Variants in SLC22A12 observed in about 807,000 individuals in gnomAD.
SLC22A12 encodes organic anion transporter 4-like protein.
Under a neutral mutation model 52.7 loss-of-function variants are expected in SLC22A12, and 56 were observed. That is an observed-to-expected ratio of 1.06 (90% CI 0.86 to 1.33). The LOEUF (loss-of-function observed/expected upper bound fraction) is 1.33. SLC22A12 is among the 40% of genes most tolerant of loss of function. SLC22A12 has a pLI of 0.00. For synonymous variants in SLC22A12, 337 were observed against 324.6 expected (o/e 1.04, Z -0.41); for missense variants, 683 against 741.5 (o/e 0.92, Z 0.92).
chr11:64,591,369 G>T lies in SLC22A12; in HGVS notation c.-188G>T. ...CAGGGCCCAGTTGGAGCCACCCCAAGTGACACCAGCAGGCAGATGACCAGA... is the reference window on the plus strand; with the variant it reads ...CAGGGCCCAGTTGGAGCCACCCCAATTGACACCAGCAGGCAGATGACCAGA... On this transcript the variant is annotated 5_prime_UTR_variant, in exon 1 of 10. Coordinates refer to ENST00000377574, the MANE Select transcript of SLC22A12 (RefSeq NM_144585.4). 1.3e-6 allele frequency: 1 copy of T among 747,102 alleles called. No individual in the cohort carries two copies. The allele number at this position is 747,102 out of a possible 1,614,324, so 46.3% of individuals were successfully genotyped here.
In SLC22A12 at chr11:64,600,381, C is replaced by T. The variant is rs145200251; in HGVS notation, c.1300C>T (p.Arg434Cys). ...TCTACCCACAGAAATGGGGGCTCTG[C>T]GCTCAGCCTTGGCCGTGCTGGGGCT... ...TLVPHEMGAL[R>C]SALAVLGLGG... The change falls in exon 8 of 10, where the codon CGC (arginine) becomes TGC (cysteine). Residue 434 changes from arginine (R) to cysteine (C), a missense_variant. Transcript: ENST00000377574. 1.5e-4 allele frequency: 239 copies of T among 1,605,230 alleles called. 1 individual carries two copies. Among genetic ancestry groups the T allele is most frequent in the Middle Eastern group, 1.5e-3 (9 of 6,054 alleles).
intron 4 of SLC22A12, among the ~76,000 whole-genome samples, chr11:64,595,820 G>GACGGTTGA (rs2039164550): frequency 1.3e-4 from 3 of 22,836 alleles, no homozygotes; most frequent in South Asian, 1.8e-3. Flanking sequence ...TAGATGGATG[G>GACGGTTGA]ATGGACGGTT....
chr11:64,592,467 G>A (rs1057040827), intron 1 of SLC22A12, among the ~76,000 whole-genome samples: 2 of 152,180 alleles, frequency 1.3e-5, no homozygotes, highest in African/African-American at 4.8e-5. Context: ...CTGGGAGAGG[G>A]GTGAGGGTGT....
intron 7 of SLC22A12, 146 bp downstream of exon 7, chr11:64,600,036 G>A: frequency 2.0e-6 from 2 of 994,586 alleles, no homozygotes; most frequent in Admixed American, 4.2e-5. Flanking sequence ...ACAGACGGCA[G>A]TGTCTGCACT....
At position 64,591,361 on chromosome 11, in the gene SLC22A12, C is replaced by T; in HGVS notation, c.-196C>T. 1 of 704,118 alleles carries T rather than the reference C, an allele frequency of 1.4e-6. No homozygotes were observed. Among genetic ancestry groups the T allele is most frequent in the Non-Finnish European group, 2.3e-6 (1 of 432,640 alleles). The allele number at this position is 704,118 out of a possible 1,614,324, so 43.6% of individuals were successfully genotyped here. ...CGCGGCCTCAGGGCCCAGTTGGAGC[C>T]ACCCCAAGTGACACCAGCAGGCAGA... On this transcript the variant is annotated 5_prime_UTR_variant, in exon 1 of 10. Transcript: ENST00000377574.
chr11:64,594,938 T>TTGAA (rs150412589), intron 4 of SLC22A12, among the ~76,000 whole-genome samples: 10,959 of 32,534 alleles, frequency 0.34, 3,446 homozygotes, highest in East Asian at 0.74. Flanking sequence ...GAATGGATGG[T>TTGAA]TGGATGGATG....
In SLC22A12 at chr11:64,593,472, T is replaced by C; in HGVS notation, c.574T>C (p.Phe192Leu). The change falls in exon 3 of 10, where the codon TTC becomes CTC. Residue 192 changes from phenylalanine to leucine, a missense_variant. Transcript: ENST00000377574. The part of the protein sequence containing the change: ...QMAVMGTAAA[F>L]APAFPVYCLF... ...GGCTGTGATGGGTACGGCAGCTGCC[T>C]TCGCCCCTGCCTTCCCCGTGTACTG... 6.2e-7 allele frequency: 1 copy of C among 1,614,094 alleles called. No individual in the cohort carries two copies.
intron 5 of SLC22A12, 45 bp from the exon 6 acceptor site, chr11:64,598,763 G>T (rs746579512): frequency 1.1e-5 from 18 of 1,610,420 alleles, no homozygotes; most frequent in Non-Finnish European, 1.5e-5. Flanking sequence ...AGGAGGAGGT[G>T]CCTGGCGCCC....
In SLC22A12 at chr11:64,598,518, G is replaced by GGAGGGGCACCTTAA; in HGVS notation, c.834_835insAGGGGCACCTTAAG (p.Leu279ArgfsTer42). 1 of 1,578,246 alleles carries GGAGGGGCACCTTAA rather than the reference G, an allele frequency of 6.3e-7. No homozygotes were observed. The highest frequency in any genetic ancestry group is 8.6e-7 in the Non-Finnish European group (1 of 1,163,224). Reference sequence around the variant, plus strand: ...CTCCCACGCCCCCTCCACTTAAGGTGGCTGGCAGAGTCGGCACGATGGCTC... The same window carrying GGAGGGGCACCTTAA: ...CTCCCACGCCCCCTCCACTTAAGGTGGAGGGGCACCTTAAGCTGGCAGAGTCGGCACGATGGCTC... On this transcript the variant is annotated frameshift_variant, in exon 5 of 10. Transcript: ENST00000377574. LOFTEE classifies it high-confidence loss of function.
At chr11:64,595,993 G>A (rs1443724665) in intron 4 of SLC22A12, among the ~76,000 whole-genome samples, 1 of 95,500 alleles carries the variant, frequency 1.0e-5, no homozygotes, top group Admixed American at 1.1e-4. Context: ...GGAATAGATG[G>A]AATGGATGGA....
Position 64,599,807 on chromosome 11 carries a change from G to A in SLC22A12, c.1202G>A (p.Ser401Asn), listed in dbSNP as rs780488286. The part of the protein sequence containing the change: ...PAKMGALLLL[S>N]HLGRRPTLAA... ...AAGATGGGCGCCCTGCTGCTGCTGA[G>A]CCACCTGGGCCGCCGCCCCACGCTG... Residue 401 changes from serine to asparagine, a missense_variant, in exon 7 of 10, where the codon AGC becomes AAC. Coordinates refer to ENST00000377574, the MANE Select transcript of SLC22A12 (RefSeq NM_144585.4). 1 of 1,612,826 alleles carries A rather than the reference G, an allele frequency of 6.2e-7. No individual in the cohort carries two copies. The highest frequency in any genetic ancestry group is 1.7e-5 in the Admixed American group (1 of 59,996).
At chr11:64,599,069 A>G in intron 6 of SLC22A12, 146 bp downstream of exon 6, 1 of 1,255,910 alleles carries the variant, frequency 8.0e-7, no homozygotes, top group Non-Finnish European at 1.1e-6. Context: ...CACTCCCGAC[A>G]GGAGACAACC....
Position 64,593,412 on chromosome 11 carries a change from C to A in SLC22A12, c.514C>A (p.Arg172Ser). 1.9e-6 allele frequency: 3 copies of A among 1,614,134 alleles called. No homozygotes were observed. Among genetic ancestry groups the A allele is most frequent in the Non-Finnish European group, 2.5e-6 (3 of 1,180,044 alleles). ...TCCTGGTTTGTGCCGCAGGTTTGGGCGCAGGCTGGTGCTAACCTGGAGCTA... is the reference window on the plus strand; with the variant it reads ...TCCTGGTTTGTGCCGCAGGTTTGGGAGCAGGCTGGTGCTAACCTGGAGCTA... ...ACGPASDRFG[R>S]RLVLTWSYLQ... Residue 172 changes from arginine (R) to serine (S), a missense_variant, in exon 3 of 10, where the codon CGC becomes AGC. Arg to Ser is a moderately radical substitution (Grantham distance 110). Coordinates refer to ENST00000377574, the MANE Select transcript of SLC22A12 (RefSeq NM_144585.4).
chr11:64,593,499 C>T lies in SLC22A12; in HGVS notation c.601C>T (p.Leu201=). ...CGCCCCTGCCTTCCCCGTGTACTGC[C>T]TGTTCCGCTTCCTGTTGGCCTTTGC... ...AFAPAFPVYC[L]FRFLLAFAVA... is the part of the protein sequence containing the mutation. Residue 201 remains leucine (L), a synonymous_variant, in exon 3 of 10, where the codon CTG becomes TTG. Transcript: ENST00000377574. The T allele has an allele frequency of 6.2e-7, 1 of 1,614,188 alleles. No individual in the cohort carries two copies. Among genetic ancestry groups the T allele is most frequent in the Non-Finnish European group, 8.5e-7 (1 of 1,180,054 alleles).
chr11:64,600,815 A>G lies in SLC22A12; in HGVS notation c.1475A>G (p.His492Arg), dbSNP rs781348356. 18 of 1,606,814 alleles carry G rather than the reference A, an allele frequency of 1.1e-5. No homozygotes were observed. The highest frequency in any genetic ancestry group is 1.4e-5 in the Non-Finnish European group (17 of 1,179,950). ...LGPLVRLLGV[H>R]GPWLPLLVYG... Reference sequence around the variant, plus strand: ...CCTCTGGTCCGGCTGCTGGGTGTCCATGGCCCCTGGCTGCCCTTGCTGGTG... The same window carrying G: ...CCTCTGGTCCGGCTGCTGGGTGTCCGTGGCCCCTGGCTGCCCTTGCTGGTG... Residue 492 changes from histidine to arginine, a missense_variant, in exon 9 of 10, where the codon CAT becomes CGT. His to Arg is a conservative substitution (Grantham distance 29). Transcript: ENST00000377574.
chr11:64,601,638 T>A lies in SLC22A12; in HGVS notation c.*87T>A. ...GGCAGGAGGAAAGCAAAGACCTCCA[T>A]TTCCAGAGGCCCAGAGGCTGCCCTC... On this transcript the variant is annotated 3_prime_UTR_variant, in exon 10 of 10. Coordinates refer to ENST00000377574, the MANE Select transcript of SLC22A12 (RefSeq NM_144585.4). 1 of 1,464,728 alleles carries A rather than the reference T, an allele frequency of 6.8e-7. No homozygotes were observed. The highest frequency in any genetic ancestry group is 9.4e-7 in the Non-Finnish European group (1 of 1,059,128). 90.7% of individuals were successfully genotyped at this position (1,464,728 alleles called of 1,614,324 possible).
At chr11:64,600,538 G>T (rs937455463) in intron 8 of SLC22A12, 63 bp downstream of exon 8, 2 of 1,437,328 alleles carry the variant, frequency 1.4e-6, no homozygotes, top group Non-Finnish European at 1.9e-6. Context: ...GCACCCCCAG[G>T]CAGGACTGGC....
intron 3 of SLC22A12, 33 bp downstream of exon 3, chr11:64,593,592 C>T: frequency 6.2e-7 from 1 of 1,614,120 alleles, no homozygotes. Context: ...TGCAGGGGGG[C>T]TCCATGCAGG....
intron 7 of SLC22A12, 143 bp from the exon 8 acceptor site, chr11:64,600,224 C>T (rs1342413422): frequency 5.2e-6 from 4 of 775,566 alleles, no homozygotes; most frequent in Non-Finnish European, 8.8e-6. Context: ...TGAGGCCACT[C>T]AGGACAGGAT....
Sources: allele counts gnomAD v4.1 joint callset (sites outside exome capture counted in the v4.1 genomes callset), GRCh38; gene constraint gnomAD v4.1.1; transcripts MANE v1.5; gene names NCBI Gene and HGNC (gene_info 2026-07-23, HGNC 2026-07-21).